HGS: variants seen among roughly 807,000 people sequenced by gnomAD.
HGS encodes human growth factor-regulated tyrosine kinase substrate.
A neutral mutation model predicts 109.7 loss-of-function variants in HGS; 63 were observed. That is an observed-to-expected ratio of 0.57 (90% CI 0.47 to 0.71). The LOEUF is 0.71. HGS is among the 30% of genes least tolerant of loss of function. The pLI, the probability that HGS is intolerant of heterozygous loss-of-function variation, is 0.00. For missense variants in HGS, 995 were observed against 1,068.3 expected (o/e 0.93, Z 0.96); for synonymous variants, 546 against 437.3 (o/e 1.25, Z -3.10).
chr17:81,699,946 A>G (rs2037208630), intron 18 of HGS, among the ~76,000 whole-genome samples: 2 of 151,906 alleles, frequency 1.3e-5, no homozygotes, highest in African/African-American at 2.4e-5. Context: ...GTGGTGGTGC[A>G]CGCCTGTAAT....
Position 81,693,956 on chromosome 17 carries a change from T to C in HGS, c.927T>C (p.Ser309=), listed in dbSNP as rs142649003. ...SSAPPASSLY[S]SPVNSSAPLA... ...CGCCCCCCGCCAGCAGCCTGTACTC[T>C]TCACCTGTGGTGAGCGGCCCTTGGG... The change falls in exon 11 of 22, where the codon TCT becomes TCC. Residue 309 remains serine (S), a synonymous_variant. Transcript: ENST00000329138. 14 of 1,609,674 alleles carry C rather than the reference T, an allele frequency of 8.7e-6. No homozygotes were observed. The highest frequency in any genetic ancestry group is 1.2e-5 in the Non-Finnish European group (14 of 1,179,234).
At position 81,700,710 on chromosome 17, in the gene HGS, G is replaced by A; in HGVS notation, c.2032G>A (p.Ala678Thr). 6.2e-7 allele frequency: 1 copy of A among 1,610,538 alleles called. No individual in the cohort carries two copies. The highest frequency in any genetic ancestry group is 8.5e-7 in the Non-Finnish European group (1 of 1,179,042). The change falls in exon 20 of 22, where the codon GCC becomes ACC. Residue 678 changes from alanine (A) to threonine (T), a missense_variant. Ala to Thr is a moderately conservative substitution (Grantham distance 58, BLOSUM62 0). Coordinates refer to ENST00000329138, the MANE Select transcript of HGS (RefSeq NM_004712.5). ...TAGYQNVASQ[A>T]PQSLPAISQP... is the part of the protein sequence containing the mutation. ...CCCTCCGCAGAACGTGGCCTCCCAGGCCCCACAGAGCCTCCCGGCCATCTC... is the reference window on the plus strand; with the variant it reads ...CCCTCCGCAGAACGTGGCCTCCCAGACCCCACAGAGCCTCCCGGCCATCTC...
At position 81,684,091 on chromosome 17, in the gene HGS, G is replaced by C; in HGVS notation, c.25G>C (p.Glu9Gln). Reference protein sequence around the residue: MGRGSGTFERLLDKATSQL... With the variant: MGRGSGTFQRLLDKATSQL... ...CATGGGGCGAGGCAGCGGCACCTTC[G>C]AGCGTCTCCTAGGTAACGCGTCCCC... Residue 9 changes from glutamate to glutamine, a missense_variant, in exon 1 of 22, where the codon GAG (glutamate) becomes CAG (glutamine). By Grantham distance (29) the Glu-to-Gln change is conservative. Coordinates refer to ENST00000329138, the MANE Select transcript of HGS (RefSeq NM_004712.5). The C allele has an allele frequency of 6.3e-7, 1 of 1,592,606 alleles. No individual in the cohort carries two copies.
At chr17:81,689,223 C>T (rs1259490509) in intron 5 of HGS, among the ~76,000 whole-genome samples, 1 of 152,198 alleles carries the variant, frequency 6.6e-6, no homozygotes, top group Non-Finnish European at 1.5e-5. Context: ...CACCCGTGGG[C>T]AGACACTCAG....
At chr17:81,697,083 G>A (rs2037163128) in intron 18 of HGS, 85 bp downstream of exon 18, 2 of 1,404,842 alleles carry the variant, frequency 1.4e-6, no homozygotes, top group Non-Finnish European at 1.9e-6. Flanking sequence ...TAAGAATGGT[G>A]CGAAGGGTTT....
intron 8 of HGS, chr17:81,693,134 T>G: frequency 4.1e-6 from 1 of 241,666 alleles, no homozygotes; most frequent in East Asian, 8.1e-5. Context: ...TTACTGGGCA[T>G]GACAGTCACT....
At chr17:81,701,320 CA>C (rs2037234270) in intron 21 of HGS, 187 bp from the exon 22 acceptor site, 2 of 805,480 alleles carry the variant, frequency 2.5e-6, no homozygotes, top group Non-Finnish European at 1.9e-6. Flanking sequence ...CGCGCATCCG[CA>C]AGTGTAGACA....
Position 81,693,883 on chromosome 17 carries a change from C to T in HGS, c.854C>T (p.Thr285Met), listed in dbSNP as rs199955051. The T allele has an allele frequency of 2.7e-5, 44 of 1,609,818 alleles. No homozygotes were observed. The highest frequency in any genetic ancestry group is 9.9e-5 in the South Asian group (9 of 90,930). Residue 285 changes from threonine (T) to methionine (M), a missense_variant, in exon 11 of 22, where the codon ACG (threonine) becomes ATG (methionine). By Grantham distance (81) the Thr-to-Met change is moderately conservative. Around this residue, in one of 6 missense-constraint regions of HGS, gnomAD observed 300 missense variants for 235.4 expected, o/e 1.27. Coordinates refer to ENST00000329138, the MANE Select transcript of HGS (RefSeq NM_004712.5). ...EEKERLRQKS[T>M]YTSYPKAEPM... ...ATTCTGCCTCAGAGACAGAAGTCCACGTACACTTCGTACCCCAAGGCGGAG... is the reference window on the plus strand; with the variant it reads ...ATTCTGCCTCAGAGACAGAAGTCCATGTACACTTCGTACCCCAAGGCGGAG...
chr17:81,693,936 C>G lies in HGS; in HGVS notation c.907C>G (p.Pro303Ala). Residue 303 changes from proline (P) to alanine (A), a missense_variant, in exon 11 of 22, where the codon CCC becomes GCC. Pro to Ala is a conservative substitution (Grantham distance 27). Transcript: ENST00000329138. The stretch of plus-strand genomic sequence containing the variant: ...CATGCCCTCGGCCTCCTCAGCGCCC[C>G]CCGCCAGCAGCCTGTACTCTTCACC... Reference protein sequence around the residue: ...EPMPSASSAPPASSLYSSPVN... With the variant: ...EPMPSASSAPAASSLYSSPVN... The G allele has an allele frequency of 6.2e-7, 1 of 1,611,466 alleles. No homozygotes were observed. Among genetic ancestry groups the G allele is most frequent in the South Asian group, 1.1e-5 (1 of 91,012 alleles).
At chr17:81,690,030 T>C (rs2037039548) in intron 5 of HGS, 152 bp from the exon 6 acceptor site, 1 of 708,474 alleles carries the variant, frequency 1.4e-6, no homozygotes, top group African/African-American at 1.8e-5. Context: ...ACACCCAATC[T>C]TGGGGGCAGG....
chr17:81,701,631 T>C lies in HGS; in HGVS notation c.*13T>C, dbSNP rs772628545. On this transcript the variant is annotated 3_prime_UTR_variant, in exon 22 of 22. Transcript: ENST00000329138. ...TTCATTCGACTGACCCAGGCCATGC[T>C]CACGTCCGGAGTAACACTACATACA... is the stretch of plus-strand genomic sequence containing the variant. 2.6e-5 allele frequency: 40 copies of C among 1,547,886 alleles called. No homozygotes were observed. Among genetic ancestry groups the C allele is most frequent in the Non-Finnish European group, 2.8e-5 (32 of 1,152,754 alleles).
intron 18 of HGS, among the ~76,000 whole-genome samples, chr17:81,700,198 T>C (rs79125732): frequency 0.095 from 14,294 of 150,908 alleles, 771 homozygotes; most frequent in East Asian, 0.27. Flanking sequence ...AACCCCATCT[T>C]TATTAAAAGT....
chr17:81,694,122 G>C (rs1186023263), intron 11 of HGS, among the ~76,000 whole-genome samples, 157 bp downstream of exon 11: 1 of 152,198 alleles, frequency 6.6e-6, no homozygotes, highest in East Asian at 1.9e-4. Context: ...CATCAGGGCA[G>C]AGCCCCACGG....
At chr17:81,684,200 C>A in intron 1 of HGS, 97 bp downstream of exon 1, 1 of 1,125,536 alleles carries the variant, frequency 8.9e-7, no homozygotes, top group Non-Finnish European at 1.2e-6. Flanking sequence ...GGGCGCGGAC[C>A]GGCCGCCCTG....
Position 81,688,685 on chromosome 17 carries a change from C to T in HGS, c.292-19C>T, listed in dbSNP as rs768898450. 55 of 1,612,854 alleles carry T rather than the reference C, an allele frequency of 3.4e-5. No individual in the cohort carries two copies. Among genetic ancestry groups the T allele is most frequent in the East Asian group, 4.5e-5 (2 of 44,820 alleles). On this transcript the variant is annotated intron_variant, in intron 4 of 21. Coordinates refer to ENST00000329138, the MANE Select transcript of HGS (RefSeq NM_004712.5). Reference sequence around the variant, plus strand: ...CCTGGAGTGTCCTGCGACCCTCACCCCCTTCTCCCTGCCTGCAGAGACAAG... The same window carrying T: ...CCTGGAGTGTCCTGCGACCCTCACCTCCTTCTCCCTGCCTGCAGAGACAAG...
intron 18 of HGS, among the ~76,000 whole-genome samples, chr17:81,698,923 C>T (rs1377577231): frequency 6.6e-6 from 1 of 152,074 alleles, no homozygotes; most frequent in Non-Finnish European, 1.5e-5. Flanking sequence ...AAAAATTAGC[C>T]AGGCGTGATG....
At chr17:81,688,628 C>T (rs2037018676) in intron 4 of HGS, 76 bp from the exon 5 acceptor site, 1 of 1,571,686 alleles carries the variant, frequency 6.4e-7, no homozygotes, top group Non-Finnish European at 8.7e-7. Context: ...CTGAGGTCTG[C>T]CAGCTGCTTC....
chr17:81,689,060 C>T (rs1009690946), intron 5 of HGS, among the ~76,000 whole-genome samples: 12 of 152,226 alleles, frequency 7.9e-5, no homozygotes, highest in Non-Finnish European at 7.3e-5. Context: ...TGGCAGACAA[C>T]ACACAGGTGA....
At chr17:81,699,735 T>A (rs2037204884) in intron 18 of HGS, among the ~76,000 whole-genome samples, 1 of 152,292 alleles carries the variant, frequency 6.6e-6, no homozygotes, top group Non-Finnish European at 1.5e-5. Context: ...ATGTTCCTTT[T>A]TTTTAGAAAC....
Sources: gnomAD v4.1 joint callset for allele counts (sites outside exome capture counted in the v4.1 genomes callset) on GRCh38, gnomAD v4.1.1 for gene constraint, gnomAD v4.1.1 regional missense constraint, MANE v1.5 for transcripts, NCBI Gene and HGNC (gene_info 2026-07-23, HGNC 2026-07-21) for gene names.